Variants in DCT observed in about 807,000 individuals in gnomAD.
DCT encodes the protein dopachrome tautomerase, also known as L-dopachrome tautomerase.
A neutral mutation model predicts 53.0 loss-of-function variants in DCT; 47 were observed. The observed-to-expected ratio is 0.89, with a 90% CI of 0.70 to 1.13. The LOEUF (loss-of-function observed/expected upper bound fraction) is 1.13. DCT is among the 50% of genes most tolerant of loss of function. DCT has a pLI of 0.00. For missense variants in DCT, 669 were observed against 637.4 expected, an observed-to-expected ratio of 1.05 and a Z score of -0.53; for synonymous variants, 244 against 237.0, an observed-to-expected ratio of 1.03 and a Z score of -0.27.
intron 6 of DCT, among the ~76,000 whole-genome samples, chr13:94,450,453 C>G (rs910756893): frequency 6.6e-5 from 10 of 152,146 alleles, no homozygotes; most frequent in Non-Finnish European, 1.2e-4. Context: ...GAGTATTTCT[C>G]AGGCATTTTG....
At chr13:94,547,982 A>ATAT in the DCT span, among the ~76,000 whole-genome samples, 17 of 84,824 alleles carry the variant, frequency 2.0e-4, no homozygotes, top group South Asian at 4.6e-4. Flanking sequence ...AAAAAAAAAA[A>ATAT]AAATATATAT....
At chr13:94,547,962 C>CAAAAAAAAAA in the DCT span, among the ~76,000 whole-genome samples, 2 of 67,904 alleles carry the variant, frequency 2.9e-5, no homozygotes, top group African/African-American at 2.6e-4. Flanking sequence ...AACTCCGTCT[C>CAAAAAAAAAA]AAAAAAAAAA....
intron 1 of DCT, among the ~76,000 whole-genome samples, chr13:94,477,915 T>C (rs1885201942): frequency 6.6e-6 from 1 of 152,158 alleles, no homozygotes; most frequent in African/African-American, 2.4e-5. Context: ...CCTGCCAGGC[T>C]TTGAGTGTTT....
the DCT span, among the ~76,000 whole-genome samples, chr13:94,509,186 A>C: frequency 6.6e-6 from 1 of 152,220 alleles, no homozygotes; most frequent in African/African-American, 2.4e-5. Context: ...CAGAGCTGAG[A>C]GAAAACTATG....
chr13:94,500,498 T>C, the DCT span, among the ~76,000 whole-genome samples: 1 of 152,164 alleles, frequency 6.6e-6, no homozygotes, highest in Non-Finnish European at 1.5e-5. Flanking sequence ...CAAAATGAGA[T>C]TTGGGTGGGG....
chr13:94,526,126 T>C, the DCT span, among the ~76,000 whole-genome samples: 2 of 152,244 alleles, frequency 1.3e-5, no homozygotes, highest in African/African-American at 2.4e-5. Context: ...ATGGGGCATA[T>C]GGCTCCTGGG....
In DCT at chr13:94,444,346, C is replaced by A. The variant is rs773784893; in HGVS notation, c.1180-709G>T. 1.2e-5 allele frequency: 6 copies of A among 510,490 alleles called. No individual in the cohort carries two copies. The East Asian group carries it at 3.3e-4, about 28-fold the overall frequency. The allele number at this position is 510,490 out of a possible 1,614,324, so 31.6% of individuals were successfully genotyped here. A position where few individuals can be genotyped will look rare whatever the true frequency, so the allele number is the denominator to read the frequency against. The stretch of plus-strand genomic sequence containing the variant: ...GTATCAATATTATAATATAAAGGAA[C>A]AGTAAATTTTTCTCACCAGGAATAC... On this transcript the variant is annotated intron_variant, in intron 6 of 7. Coordinates refer to ENST00000377028, the MANE Select transcript of DCT (RefSeq NM_001922.5).
At chr13:94,455,906 T>C (rs537522495) in intron 6 of DCT, among the ~76,000 whole-genome samples, 1 of 152,360 alleles carries the variant, frequency 6.6e-6, no homozygotes, top group South Asian at 2.1e-4. Flanking sequence ...ATGAATTGTG[T>C]GTATAAATTG....
At chr13:94,538,875 C>G in the DCT span, among the ~76,000 whole-genome samples, 4 of 152,148 alleles carry the variant, frequency 2.6e-5, no homozygotes, top group African/African-American at 7.2e-5. Flanking sequence ...TTGTCTGTTT[C>G]TATCTGTGCG....
chr13:94,547,383 C>G, the DCT span, among the ~76,000 whole-genome samples: 2 of 152,006 alleles, frequency 1.3e-5, no homozygotes, highest in Non-Finnish European at 2.9e-5. Flanking sequence ...TGCCAAAGTG[C>G]TGGGATTACA....
chr13:94,547,556 A>G, the DCT span, among the ~76,000 whole-genome samples: 8 of 152,126 alleles, frequency 5.3e-5, no homozygotes, highest in African/African-American at 1.9e-4. Context: ...TAGATTCACC[A>G]TCACTAACAT....
chr13:94,471,788 C>G (rs1039525721), intron 1 of DCT, among the ~76,000 whole-genome samples: 2 of 152,132 alleles, frequency 1.3e-5, no homozygotes, highest in African/African-American at 4.8e-5. Context: ...AGGTAAATGT[C>G]TAGTCACTTC....
In DCT at chr13:94,466,674, A is replaced by G; in HGVS notation, c.596-16T>C. The stretch of plus-strand genomic sequence containing the variant: ...CGTCCTGGTCCTGAAACAATTGGGA[A>G]ACATATTAGAGATGACAGAATAGAA... On this transcript the variant is annotated splice_polypyrimidine_tract_variant and intron_variant, in intron 2 of 7. Coordinates refer to ENST00000377028, the MANE Select transcript of DCT (RefSeq NM_001922.5). The G allele has an allele frequency of 6.5e-7, 1 of 1,529,924 alleles. No homozygotes were observed. Among genetic ancestry groups the G allele is most frequent in the Non-Finnish European group, 9.0e-7 (1 of 1,117,038 alleles). 94.8% of individuals were successfully genotyped at this position (1,529,924 alleles called of 1,614,324 possible).
At chr13:94,503,311 TC>T in the DCT span, among the ~76,000 whole-genome samples, 2 of 150,270 alleles carry the variant, frequency 1.3e-5, no homozygotes, top group East Asian at 4.0e-4. Context: ...GCCTGGGAGG[TC>T]GAGGCTGCAG....
intron 6 of DCT, among the ~76,000 whole-genome samples, chr13:94,452,988 TA>T (rs1883194144): frequency 6.6e-6 from 1 of 152,170 alleles, no homozygotes; most frequent in Non-Finnish European, 1.5e-5. Context: ...TTATACATTT[TA>T]TATTTTGAAT....
chr13:94,535,077 A>G, the DCT span, among the ~76,000 whole-genome samples: 1 of 152,206 alleles, frequency 6.6e-6, no homozygotes, highest in East Asian at 1.9e-4. Context: ...TGCAAACATC[A>G]CTTGAAGGGA....
At chr13:94,538,867 GTCTGTT>G in the DCT span, among the ~76,000 whole-genome samples, 4 of 152,060 alleles carry the variant, frequency 2.6e-5, no homozygotes, top group Non-Finnish European at 5.9e-5. Context: ...CTTAGGATTT[GTCTGTT>G]TCTATCTGTG....
the DCT span, among the ~76,000 whole-genome samples, chr13:94,503,896 T>A: frequency 6.6e-6 from 1 of 152,264 alleles, no homozygotes; most frequent in African/African-American, 2.4e-5. Flanking sequence ...GGGTCCTGGC[T>A]TTCATAACTA....
At chr13:94,537,444 C>T in the DCT span, among the ~76,000 whole-genome samples, 1 of 152,064 alleles carries the variant, frequency 6.6e-6, no homozygotes, top group Non-Finnish European at 1.5e-5. Flanking sequence ...CTAAATTAAC[C>T]CAAGTTAGTG....
Sources: allele counts gnomAD v4.1 joint callset (sites outside exome capture counted in the v4.1 genomes callset), GRCh38; gene constraint gnomAD v4.1.1; transcripts MANE v1.5; gene names NCBI Gene and HGNC (gene_info 2026-07-23, HGNC 2026-07-21).